TBC1D21: variants seen among roughly 807,000 people sequenced by gnomAD.
TBC1D21 encodes TBC1 domain family member 21.
TBC1D21 carries 38 observed loss-of-function variants against 46.0 expected under a neutral mutation model. That is an observed-to-expected ratio of 0.83 (90% CI 0.64 to 1.08). The LOEUF (loss-of-function observed/expected upper bound fraction) is 1.08. TBC1D21 is among the 50% of genes least tolerant of loss of function. The pLI is 0.00. For missense variants in TBC1D21, 415 were observed against 417.9 expected, an observed-to-expected ratio of 0.99 and a Z score of 0.06; for synonymous variants, 151 against 157.2, an observed-to-expected ratio of 0.96 and a Z score of 0.29.
rs1036170916 is a variant in TBC1D21, at chr15:73,881,645, G to T, written c.170G>T (p.Gly57Val). 2 of 1,613,820 alleles carry T rather than the reference G, an allele frequency of 1.2e-6. No individual in the cohort carries two copies. The highest frequency in any genetic ancestry group is 1.1e-5 in the South Asian group (1 of 91,042). The stretch of plus-strand genomic sequence containing the variant: ...CTCCACCTCCCACCCCCACCCCAGG[G>T]TCTGCACCCCTTCGTGAGGACTGAA... ...DFICVNILERGLHPFVRTEAW... is the reference protein window; with the variant it reads ...DFICVNILERVLHPFVRTEAW... The change falls in exon 3 of 11, where the codon GGT (glycine) becomes GTT (valine). Residue 57 changes from glycine (G) to valine (V), a missense_variant and splice_region_variant. By Grantham distance (109) the Gly-to-Val change is moderately radical. Transcript: ENST00000300504.
At chr15:73,907,503 TCTTA>T in the TBC1D21 span, among the ~76,000 whole-genome samples, 21 of 152,214 alleles carry the variant, frequency 1.4e-4, no homozygotes, top group Admixed American at 1.3e-3. Context: ...ATTATTGAGC[TCTTA>T]CTTAGATTCT....
the TBC1D21 span, among the ~76,000 whole-genome samples, chr15:73,903,525 C>G: frequency 6.6e-6 from 1 of 152,208 alleles, no homozygotes; most frequent in Non-Finnish European, 1.5e-5. Context: ...TCTCACTTCC[C>G]TACTCCCTCA....
Position 73,884,235 on chromosome 15 carries a change from C to T in TBC1D21, c.357C>T (p.Arg119=), listed in dbSNP as rs2141570970. 2 of 1,614,198 alleles carry T rather than the reference C, an allele frequency of 1.2e-6. No individual in the cohort carries two copies. The highest frequency in any genetic ancestry group is 2.2e-5 in the East Asian group (1 of 44,884). ...TGCACCGGAACTTCACAGAGACTCG[C>T]AATAACATTGGTGAGCAAAGTGGGG... ...ENLHRNFTET[R]NNIARDIQKI... Residue 119 remains arginine, a synonymous_variant, in exon 4 of 11, where the codon CGC becomes CGT. Coordinates refer to ENST00000300504, the MANE Select transcript of TBC1D21 (RefSeq NM_153356.3).
rs2068315043 is a variant in TBC1D21, at chr15:73,889,167, T to C, written c.*66T>C. 1.9e-6 allele frequency: 3 copies of C among 1,552,162 alleles called. No individual in the cohort carries two copies. The highest frequency in any genetic ancestry group is 1.1e-5 in the South Asian group (1 of 87,026). On this transcript the variant is annotated 3_prime_UTR_variant, in exon 11 of 11. Coordinates refer to ENST00000300504, the MANE Select transcript of TBC1D21 (RefSeq NM_153356.3). ...AGGATGAAGGCCAGGGGCACTGGAG[T>C]GAGGGAGTAGATAAAACAGCTGCAA...
At chr15:73,887,787 A>G in intron 9 of TBC1D21, 51 bp downstream of exon 9, 1 of 1,442,644 alleles carries the variant, frequency 6.9e-7, no homozygotes, top group East Asian at 2.3e-5. Context: ...AGGCCCTGAC[A>G]CCCCACCCCA....
At chr15:73,878,033 G>A (rs947592534) in intron 1 of TBC1D21, among the ~76,000 whole-genome samples, 3 of 152,146 alleles carry the variant, frequency 2.0e-5, no homozygotes, top group African/African-American at 7.2e-5. Context: ...CTCTCACCAC[G>A]TTTATTCAAC....
chr15:73,890,336 A>T (rs1412718050), downstream of TBC1D21, among the ~76,000 whole-genome samples: 1 of 152,114 alleles, frequency 6.6e-6, no homozygotes, highest in African/African-American at 2.4e-5. Context: ...TGGAAGGTTG[A>T]GGGGGAATGC....
At chr15:73,894,677 C>T in the TBC1D21 span, among the ~76,000 whole-genome samples, 4 of 152,198 alleles carry the variant, frequency 2.6e-5, no homozygotes, top group African/African-American at 4.8e-5. Context: ...AGGGGAGAGG[C>T]GCGCAGCTCT....
At chr15:73,885,144 C>G (rs751474195) in intron 6 of TBC1D21, 41 bp downstream of exon 6, 1 of 1,546,016 alleles carries the variant, frequency 6.5e-7, no homozygotes, top group Non-Finnish European at 8.9e-7. Flanking sequence ...CCTCCCCAAC[C>G]CCCCACTACT....
At chr15:73,881,336 A>C in intron 1 of TBC1D21, 63 bp from the exon 2 acceptor site, 1 of 1,263,906 alleles carries the variant, frequency 7.9e-7, no homozygotes, top group Non-Finnish European at 1.1e-6. Context: ...CATATTATTT[A>C]AAATCACACT....
intron 1 of TBC1D21, among the ~76,000 whole-genome samples, chr15:73,876,599 T>C (rs28411129): frequency 1.1e-3 from 163 of 152,200 alleles, no homozygotes; most frequent in African/African-American, 3.8e-3. Context: ...AGATGGCCAA[T>C]TGTTACAGGT....
the TBC1D21 span, among the ~76,000 whole-genome samples, chr15:73,904,342 C>A: frequency 2.3e-3 from 347 of 152,358 alleles, 1 homozygote; most frequent in African/African-American, 8.2e-3. Context: ...GAAGCCCCTT[C>A]TTGCCTAGTG....
chr15:73,902,917 G>A, the TBC1D21 span, among the ~76,000 whole-genome samples: 85 of 152,294 alleles, frequency 5.6e-4, no homozygotes, highest in East Asian at 5.6e-3. Flanking sequence ...ATCCGGGTCG[G>A]GTCTGGCAGC....
chr15:73,878,017 T>C (rs891976651), intron 1 of TBC1D21, among the ~76,000 whole-genome samples: 1 of 152,242 alleles, frequency 6.6e-6, no homozygotes, highest in Non-Finnish European at 1.5e-5. Flanking sequence ...AAAGCAAGAA[T>C]GTCTTCTCTC....
At chr15:73,899,831 T>C in the TBC1D21 span, among the ~76,000 whole-genome samples, 1 of 151,818 alleles carries the variant, frequency 6.6e-6, no homozygotes, top group Non-Finnish European at 1.5e-5. Flanking sequence ...GGAAAGTAAG[T>C]GGGGTAATTA....
chr15:73,883,485 C>T (rs994953797), intron 3 of TBC1D21, among the ~76,000 whole-genome samples: 1 of 152,212 alleles, frequency 6.6e-6, no homozygotes, highest in Non-Finnish European at 1.5e-5. Context: ...CTGGTGGCTG[C>T]CTCACTCCAT....
chr15:73,889,315 GAC>G (rs1304608947), downstream of TBC1D21: 8 of 562,196 alleles, frequency 1.4e-5, no homozygotes, highest in African/African-American at 1.3e-4. Flanking sequence ...CTGGCTGAGA[GAC>G]ACATTCTGAG....
chr15:73,884,979 T>TC, intron 5 of TBC1D21, 24 bp from the exon 6 acceptor site: 1 of 794,914 alleles, frequency 1.3e-6, no homozygotes, highest in Non-Finnish European at 2.0e-6. Context: ...CAGCCCCTCC[T>TC]CCCCAACCCC....
chr15:73,884,254 A>C lies in TBC1D21; in HGVS notation c.367+9A>C, dbSNP rs760877257. On this transcript the variant is annotated intron_variant, in intron 4 of 10. Coordinates refer to ENST00000300504, the MANE Select transcript of TBC1D21 (RefSeq NM_153356.3). ...GACTCGCAATAACATTGGTGAGCAA[A>C]GTGGGGTGGAGAGGGCTGGGCAGAG... 6.2e-7 allele frequency: 1 copy of C among 1,613,642 alleles called. No individual in the cohort carries two copies. Among genetic ancestry groups the C allele is most frequent in the Non-Finnish European group, 8.5e-7 (1 of 1,179,536 alleles).
Sources: allele counts gnomAD v4.1 joint callset (sites outside exome capture counted in the v4.1 genomes callset), GRCh38; gene constraint gnomAD v4.1.1; transcripts MANE v1.5; gene names NCBI Gene and HGNC (gene_info 2026-07-23, HGNC 2026-07-21).